TASOR2: variants seen among roughly 807,000 people sequenced by gnomAD.
The protein encoded by TASOR2 is transcription activation suppressor family member 2, also known as protein TASOR 2.
A neutral mutation model predicts 199.5 loss-of-function variants in TASOR2; 84 were observed. The ratio of observed to expected loss-of-function variants is 0.42; its 90% CI spans 0.35 to 0.50. The LOEUF is 0.50. Among genes scored for constraint, TASOR2 ranks in the 20% least tolerant of loss-of-function variants. TASOR2 has a pLI of 0.02. For synonymous variants in TASOR2, 1,103 were observed against 1,046.6 expected (o/e 1.05, Z -1.04); for missense variants, 2,796 against 2,835.9 (o/e 0.99, Z 0.32).
Position 5,748,944 on chromosome 10 carries a change from C to A in TASOR2, c.5523C>A (p.Pro1841=). ...ACCTGCTTGGTGATTGTAGAAATCCCAGACTGGATTTGGAGGATTCTTATA... is the reference window on the plus strand; with the variant it reads ...ACCTGCTTGGTGATTGTAGAAATCCAAGACTGGATTTGGAGGATTCTTATA... The change falls in exon 15 of 21, where the codon CCC becomes CCA. Residue 1841 remains proline, a synonymous_variant. Transcript: ENST00000328090. The surrounding 1 kb of genome is among the most constrained non-coding windows in gnomAD (Gnocchi z 5.1). 1.2e-6 allele frequency: 2 copies of A among 1,614,086 alleles called. No individual in the cohort carries two copies. The highest frequency in any genetic ancestry group is 8.5e-7 in the Non-Finnish European group (1 of 1,180,038).
rs149079490 is a variant in TASOR2, at chr10:5,688,591, C to G, written c.-288+3416C>G. Among the ~76,000 whole-genome samples the G allele has an allele frequency of 4.6e-5, 7 of 152,186 alleles. No homozygotes were observed. The East Asian group carries it at 1.3e-3, about 29-fold the overall frequency. ...ATCATATGAATGAACTTCTCATGCTCTGACATTAACATTGGCCTACCATGC... is the reference window on the plus strand; with the variant it reads ...ATCATATGAATGAACTTCTCATGCTGTGACATTAACATTGGCCTACCATGC... On this transcript the variant is annotated intron_variant, in intron 1 of 20. Coordinates refer to ENST00000328090, the Ensembl canonical transcript of TASOR2.
intron 19 of TASOR2, 170 bp downstream of exon 20, chr10:5,761,641 T>G: frequency 1.6e-6 from 1 of 611,372 alleles, no homozygotes; most frequent in Non-Finnish European, 2.9e-6. Context: ...AAATGTAGTA[T>G]TTGCAGGTAA....
At chr10:5,741,196 T>C (rs895231669) in intron 13 of TASOR2, among the ~76,000 whole-genome samples, 2 of 152,216 alleles carry the variant, frequency 1.3e-5, no homozygotes, top group African/African-American at 4.8e-5. Flanking sequence ...AATTTTCAGG[T>C]GATATCAATG....
In TASOR2 at chr10:5,738,833, G is replaced by A. The variant is rs942865944; in HGVS notation, c.1448-785G>A. Among the ~76,000 whole-genome samples the A allele has an allele frequency of 5.9e-5, 9 of 152,128 alleles. No individual in the cohort carries two copies. The highest frequency in any genetic ancestry group is 7.3e-5 in the Non-Finnish European group (5 of 68,032). ...GCATTTAGGAAGGAATAATGAATAC[G>A]TTGAAAATACCAAGGGAAACCACTG... On this transcript the variant is annotated intron_variant, in intron 12 of 20. Coordinates refer to ENST00000328090, the Ensembl canonical transcript of TASOR2. This position sits in a 1 kb window ranked among gnomAD's most constrained non-coding sequence, Gnocchi z 4.7.
chr10:5,730,553 A>C lies in TASOR2; in HGVS notation c.554A>C (p.Asn185Thr), dbSNP rs775715704. 24 of 1,613,966 alleles carry C rather than the reference A, an allele frequency of 1.5e-5. No homozygotes were observed. The East Asian group carries it at 5.1e-4, about 34-fold the overall frequency. Residue 185 changes from asparagine to threonine, a missense_variant, in exon 11 of 21, where the codon AAT (asparagine) becomes ACT (threonine). By Grantham distance (65) the Asn-to-Thr change is moderately conservative. Coordinates refer to ENST00000328090, the Ensembl canonical transcript of TASOR2. This position sits in a 1 kb window ranked among gnomAD's most constrained non-coding sequence, Gnocchi z 4.1. Reference sequence around the variant, plus strand: ...GTGATACCTATTTTATCTACCCTTAATTGTGCCCTGCTAGAAACAAAGAAA... The same window carrying C: ...GTGATACCTATTTTATCTACCCTTACTTGTGCCCTGCTAGAAACAAAGAAA...
Position 5,751,920 on chromosome 10 carries a change from T to C in TASOR2, c.6606+1893T>C, listed in dbSNP as rs942183081. On this transcript the variant is annotated intron_variant, in intron 15 of 20. Transcript: ENST00000328090. The surrounding 1 kb of genome is among the most constrained non-coding windows in gnomAD (Gnocchi z 5.3). ...AGGTTTGTGCTAGCCTCCTTCTCCA[T>C]GTGTGGAGCTCCCTTCTCTGAGGTT... Among the ~76,000 whole-genome samples, 4 of 152,186 alleles carry C rather than the reference T, an allele frequency of 2.6e-5. No homozygotes were observed. The highest frequency in any genetic ancestry group is 1.3e-4 in the Admixed American group (2 of 15,280).
chr10:5,697,437 A>G lies in TASOR2; in HGVS notation c.-288+12262A>G, dbSNP rs554250458. On this transcript the variant is annotated intron_variant, in intron 1 of 20. Coordinates refer to ENST00000328090, the Ensembl canonical transcript of TASOR2. ...TCATATCCAGAATCAGCCCTATCCAAAGAGAGAAGTCTCGTATACCTGGCT... is the reference window on the plus strand; with the variant it reads ...TCATATCCAGAATCAGCCCTATCCAGAGAGAGAAGTCTCGTATACCTGGCT... 5.6e-4 allele frequency among the ~76,000 whole-genome samples: 85 copies of G among 152,348 alleles called. No individual in the cohort carries two copies. In the South Asian group the frequency reaches 0.017, roughly 30 times the overall value.
intron 2 of TASOR2, among the ~76,000 whole-genome samples, chr10:5,713,128 C>T (rs1295940372): frequency 6.6e-6 from 1 of 152,126 alleles, no homozygotes; most frequent in Non-Finnish European, 1.5e-5. Context: ...TTAGTTTTAT[C>T]TGAAATACAT....
rs2797485 is a variant in TASOR2, at chr10:5,737,231, G to T, written c.1447+1685G>T. Among the ~76,000 whole-genome samples, 2,533 of 151,920 alleles carry T rather than the reference G, an allele frequency of 0.017. 75 individuals carry two copies. Among genetic ancestry groups the T allele is most frequent in the African/African-American group, 0.059 (2,426 of 41,362 alleles). ...TCTGCCTGCCTCGGCCTCCCAAAGT[G>T]CTGGGATTACAGGTGTGAGCCACCA... On this transcript the variant is annotated intron_variant, in intron 12 of 20. Transcript: ENST00000328090. The surrounding 1 kb of genome is among the most constrained non-coding windows in gnomAD (Gnocchi z 4.9).
chr10:5,699,867 C>T lies in TASOR2; in HGVS notation c.-287-12956C>T. The T allele has an allele frequency of 2.4e-6, 1 of 420,908 alleles. No individual in the cohort carries two copies. The highest frequency in any genetic ancestry group is 3.2e-6 in the Non-Finnish European group (1 of 314,142). The allele number at this position is 420,908 out of a possible 1,614,324, so 26.1% of individuals were successfully genotyped here. A position where few individuals can be genotyped will look rare whatever the true frequency, so the allele number is the denominator to read the frequency against. ...AATAGATGTACACAGTTTTAGGATACATGTGATAATACAGTCATATAATTT... is the reference window on the plus strand; with the variant it reads ...AATAGATGTACACAGTTTTAGGATATATGTGATAATACAGTCATATAATTT... On this transcript the variant is annotated intron_variant, in intron 1 of 20. Coordinates refer to ENST00000328090, the Ensembl canonical transcript of TASOR2. The surrounding 1 kb of genome is among the most constrained non-coding windows in gnomAD (Gnocchi z 4.1).
chr10:5,757,477 C>A, intron 16 of TASOR2, 43 bp from the exon 18 acceptor site: 1 of 1,553,932 alleles, frequency 6.4e-7, no homozygotes, highest in Non-Finnish European at 8.7e-7. Flanking sequence ...GAAAATGTGC[C>A]CAGTGAGCCT....
chr10:5,722,326 C>T lies in TASOR2; in HGVS notation c.147-1351C>T, dbSNP rs1048217220. On this transcript the variant is annotated intron_variant, in intron 6 of 20. Coordinates refer to ENST00000328090, the Ensembl canonical transcript of TASOR2. The surrounding 1 kb of genome is among the most constrained non-coding windows in gnomAD (Gnocchi z 4.0). ...AAAAAATTAGCCGGGCGTGGTGGCA[C>T]GTGCCTGTGATCCTAGCTACTGGGG... Among the ~76,000 whole-genome samples the T allele has an allele frequency of 2.0e-5, 3 of 151,984 alleles. No individual in the cohort carries two copies. The highest frequency in any genetic ancestry group is 4.4e-5 in the Non-Finnish European group (3 of 67,986).
Position 5,706,966 on chromosome 10 carries a change from T to G in TASOR2, c.-287-5857T>G, listed in dbSNP as rs1193125612. 6.6e-6 allele frequency among the ~76,000 whole-genome samples: 1 copy of G among 151,058 alleles called. No individual in the cohort carries two copies. Among genetic ancestry groups the G allele is most frequent in the Non-Finnish European group, 1.5e-5 (1 of 67,928 alleles). On this transcript the variant is annotated intron_variant, in intron 1 of 20. Coordinates refer to ENST00000328090, the Ensembl canonical transcript of TASOR2. The surrounding 1 kb of genome is among the most constrained non-coding windows in gnomAD (Gnocchi z 4.8). Reference sequence around the variant, plus strand: ...TGCAGTGAACCAGAATCAAGCCACTTACGCTCCAGCCTGGGCCACGGAGCA... The same window carrying G: ...TGCAGTGAACCAGAATCAAGCCACTGACGCTCCAGCCTGGGCCACGGAGCA...
chr10:5,739,771 T>G, exon 13 of TASOR2: 1 of 1,614,176 alleles, frequency 6.2e-7, no homozygotes, highest in African/African-American at 1.3e-5. Context: ...TCCCAGGCCC[T>G]AAATATGTTA....
chr10:5,743,410 T>C (rs1053389674), intron 14 of TASOR2, among the ~76,000 whole-genome samples: 1 of 152,240 alleles, frequency 6.6e-6, no homozygotes, highest in Non-Finnish European at 1.5e-5. Flanking sequence ...TTCACTCATA[T>C]TAACTCAGTT....
At chr10:5,703,949 G>A (rs1190594449) in intron 1 of TASOR2, among the ~76,000 whole-genome samples, 2 of 151,902 alleles carry the variant, frequency 1.3e-5, no homozygotes, top group East Asian at 1.9e-4. Context: ...TTGGCCAGGC[G>A]TGGTGGCTCA....
At chr10:5,739,657 C>T in exon 13 of TASOR2, 1 of 1,613,322 alleles carries the variant, frequency 6.2e-7, no homozygotes, top group Non-Finnish European at 8.5e-7. Context: ...TCAGAAATTT[C>T]AAGAGGTTGT....
Position 5,730,620 on chromosome 10 carries a change from G to A in TASOR2, c.621G>A (p.Lys207=). The change falls in exon 11 of 21, where the codon AAG becomes AAA. Residue 207 remains lysine, a synonymous_variant. Transcript: ENST00000328090. The surrounding 1 kb of genome is among the most constrained non-coding windows in gnomAD (Gnocchi z 4.1). ...GAATCCATCCAAACACATTAGTAAAGCGTCATTTCCAAGAATTGTACAAGG... is the reference window on the plus strand; with the variant it reads ...GAATCCATCCAAACACATTAGTAAAACGTCATTTCCAAGAATTGTACAAGG... 1 of 1,614,138 alleles carries A rather than the reference G, an allele frequency of 6.2e-7. No homozygotes were observed. The highest frequency in any genetic ancestry group is 8.5e-7 in the Non-Finnish European group (1 of 1,180,036).
intron 1 of TASOR2, chr10:5,692,877 G>C (rs1836626795): frequency 6.6e-6 from 1 of 152,380 alleles, no homozygotes; most frequent in Non-Finnish European, 1.5e-5. Context: ...AGGGGCTGCC[G>C]GCGGAGCAGA....
Sources: allele counts gnomAD v4.1 joint callset (sites outside exome capture counted in the v4.1 genomes callset), GRCh38; gene constraint gnomAD v4.1.1; non-coding constraint Gnocchi (gnomAD v3.1); transcripts MANE v1.5; gene names NCBI Gene and HGNC (gene_info 2026-07-23, HGNC 2026-07-21).